Variants in GPR143 observed in about 807,000 individuals in gnomAD.
GPR143 encodes the protein G-protein coupled receptor 143.
Under a neutral mutation model 27.6 loss-of-function variants are expected in GPR143, and 8 were observed. The ratio of observed to expected loss-of-function variants is 0.29; its 90% confidence interval spans 0.17 to 0.52. The LOEUF is 0.52. Among genes scored for constraint, GPR143 ranks in the 20% least tolerant of loss-of-function variants. The pLI, the probability that GPR143 is intolerant of heterozygous loss-of-function variation, is 0.96. For synonymous variants in GPR143, 156 were observed against 153.2 expected, an observed-to-expected ratio of 1.02 and a Z score of -0.13; for missense variants, 303 against 343.1, an observed-to-expected ratio of 0.88 and a Z score of 0.92.
upstream of GPR143, among the ~76,000 whole-genome samples, chrX:9,770,118 C>T (rs2083547926): frequency 1.1e-5 from 1 of 92,300 alleles, no homozygotes; most frequent in African/African-American, 4.3e-5. Flanking sequence ...CAAGACCAGC[C>T]TGGGGCAACA....
At chrX:9,726,607 C>T (rs185004985) in intron 8 of GPR143, among the ~76,000 whole-genome samples, 10 of 112,000 alleles carry the variant, frequency 8.9e-5, no homozygotes, top group East Asian at 2.8e-4. Flanking sequence ...CATGAGAAAT[C>T]GCTGGAGACA....
At chrX:9,776,735 C>G (rs957725720) in intron 1 of GPR143, among the ~76,000 whole-genome samples, 16 of 108,362 alleles carry the variant, frequency 1.5e-4, no homozygotes, top group African/African-American at 5.2e-4. Context: ...GAGACAGGGT[C>G]TCACTCTATT....
At chrX:9,731,600 T>C (rs1488253330) in intron 8 of GPR143, among the ~76,000 whole-genome samples, 1 of 110,213 alleles carries the variant, frequency 9.1e-6, no homozygotes, top group Non-Finnish European at 1.9e-5. Context: ...CAGAAAAATG[T>C]AGAAAAAAAT....
At chrX:9,750,297 A>G (rs897938267) in intron 3 of GPR143, among the ~76,000 whole-genome samples, 2 of 109,172 alleles carry the variant, frequency 1.8e-5, no homozygotes, top group East Asian at 6.0e-4. Flanking sequence ...GCAGCCTCCA[A>G]TTCCTAGGCG....
chrX:9,760,872 A>G (rs1255880713), intron 1 of GPR143, 46 bp from the exon 2 acceptor site: 3 of 703,697 alleles, frequency 4.3e-6, no homozygotes, highest in African/African-American at 4.3e-5. Context: ...CTAATCAAAT[A>G]TAAAGCTGAC....
In GPR143 at chrX:9,753,860, G is replaced by A. The variant is rs769211336; in HGVS notation, c.456-5194C>T. On this transcript the variant is annotated intron_variant, in intron 3 of 8. Transcript: ENST00000467482. ...ACTACATGCTTCCCGAGAGGAGAGCGGGGGACTTGCCTTTCGCCTCCCCAT... is the reference window on the plus strand; with the variant it reads ...ACTACATGCTTCCCGAGAGGAGAGCAGGGGACTTGCCTTTCGCCTCCCCAT... Among the ~76,000 whole-genome samples the A allele has an allele frequency of 4.5e-5, 5 of 111,763 alleles. No homozygotes were observed. The South Asian group carries it at 1.5e-3, about 34-fold the overall frequency.
At chrX:9,767,486 G>A (rs961506000), upstream of GPR143, among the ~76,000 whole-genome samples, 1 of 111,539 alleles carries the variant, frequency 9.0e-6, no homozygotes, top group Non-Finnish European at 1.9e-5. Context: ...TCTTCCTCTA[G>A]GGATAGCAGG....
chrX:9,742,878 G>A (rs972899206), intron 6 of GPR143, among the ~76,000 whole-genome samples: 3 of 111,293 alleles, frequency 2.7e-5, no homozygotes, highest in Non-Finnish European at 3.8e-5. Flanking sequence ...AGGCCTAGAC[G>A]GGTGGATCAC....
rs745538787 is a variant in GPR143, at chrX:9,754,508, G to A, written c.455+4824C>T. On this transcript the variant is annotated intron_variant, in intron 3 of 8. Transcript: ENST00000467482. The stretch of plus-strand genomic sequence containing the variant: ...TCTCTGCATTCCAGACCCTGACTTC[G>A]GGCTGGGCCTCTGAAACCCACACCG... Among the ~76,000 whole-genome samples, 4 of 111,528 alleles carry A rather than the reference G, an allele frequency of 3.6e-5. No homozygotes were observed. The South Asian group carries it at 1.5e-3, about 42-fold the overall frequency.
At chrX:9,771,055 C>T (rs1362005138), upstream of GPR143, among the ~76,000 whole-genome samples, 4 of 111,569 alleles carry the variant, frequency 3.6e-5, no homozygotes, top group African/African-American at 9.8e-5. Flanking sequence ...CTTTGGGAGG[C>T]CAAGGTGGGC....
intron 8 of GPR143, among the ~76,000 whole-genome samples, chrX:9,736,528 G>A (rs1261537466): frequency 2.7e-5 from 3 of 111,190 alleles, no homozygotes; most frequent in Non-Finnish European, 5.7e-5. Context: ...GGCCTCAAAC[G>A]ATCCTCCTTC....
chrX:9,730,443 C>T (rs1263577037), intron 8 of GPR143, among the ~76,000 whole-genome samples: 6 of 108,263 alleles, frequency 5.5e-5, no homozygotes, highest in Non-Finnish European at 1.1e-4. Context: ...TTGATGAAGA[C>T]ACCACGTGTT....
intron 8 of GPR143, among the ~76,000 whole-genome samples, chrX:9,733,038 GAC>G (rs1373931048): frequency 1.8e-5 from 2 of 110,463 alleles, no homozygotes; most frequent in Non-Finnish European, 3.8e-5. Flanking sequence ...TATCATGGGA[GAC>G]ACAAGGCATT....
intron 1 of GPR143, among the ~76,000 whole-genome samples, chrX:9,777,791 T>TAAA (rs35241287): frequency 5.1e-4 from 49 of 95,608 alleles, no homozygotes; most frequent in African/African-American, 1.5e-3. Context: ...TCCATCTCTT[T>TAAA]AAAAAAAAAA....
chrX:9,758,416 C>T (rs2083481731), intron 3 of GPR143, among the ~76,000 whole-genome samples: 1 of 111,403 alleles, frequency 9.0e-6, no homozygotes, highest in Non-Finnish European at 1.9e-5. Context: ...AGAAGTTAAA[C>T]AACTCGCCAA....
intron 8 of GPR143, among the ~76,000 whole-genome samples, chrX:9,735,075 C>T (rs1042650644): frequency 8.9e-6 from 1 of 112,581 alleles, no homozygotes; most frequent in Non-Finnish European, 1.9e-5. Context: ...GGCGTGGAAC[C>T]GAGCTCCATC....
intron 8 of GPR143, among the ~76,000 whole-genome samples, chrX:9,732,491 G>A (rs970329465): frequency 9.0e-6 from 1 of 111,427 alleles, no homozygotes; most frequent in Non-Finnish European, 1.9e-5. Flanking sequence ...ATTAGTTGTA[G>A]GAGAAATGGA....
At chrX:9,758,042 G>C (rs780199477) in intron 3 of GPR143, among the ~76,000 whole-genome samples, 1 of 111,410 alleles carries the variant, frequency 9.0e-6, no homozygotes, top group East Asian at 2.8e-4. Context: ...GGGATTACAG[G>C]TGTAAGCCAC....
chrX:9,757,557 A>G (rs897186954), intron 3 of GPR143, among the ~76,000 whole-genome samples: 3 of 111,616 alleles, frequency 2.7e-5, no homozygotes, highest in African/African-American at 9.8e-5. Flanking sequence ...CTCCACAGAG[A>G]CAGAAAGTAG....
Sources: allele counts gnomAD v4.1 joint callset (sites outside exome capture counted in the v4.1 genomes callset), GRCh38; gene constraint gnomAD v4.1.1; transcripts MANE v1.5; gene names NCBI Gene and HGNC (gene_info 2026-07-23, HGNC 2026-07-21).